Variants in OTOF observed in about 807,000 individuals in gnomAD.
The protein encoded by OTOF is otoferlin.
A neutral mutation model predicts 236.8 loss-of-function variants in OTOF; 218 were observed. The ratio of observed to expected loss-of-function variants is 0.92; its 90% CI spans 0.82 to 1.03. The LOEUF is 1.03. Among genes scored for constraint, OTOF ranks in the 50% least tolerant of loss-of-function variants. The probability of loss-of-function intolerance (pLI) is 0.00; values close to 1 mark genes in which losing one functional copy is unlikely to be tolerated. For missense variants in OTOF, 2,590 were observed against 2,694.4 expected, an observed-to-expected ratio of 0.96 and a Z score of 0.86; for synonymous variants, 1,041 against 1,072.5, an observed-to-expected ratio of 0.97 and a Z score of 0.57.
chr2:26,537,784 A>G lies in OTOF; in HGVS notation c.80-10T>C. On this transcript the variant is annotated splice_polypyrimidine_tract_variant and intron_variant, in intron 1 of 46. Transcript: ENST00000272371. ...GAGTAGAAGGATTGCCCTGTGGGGAAAGAGGAAATAAATTCTAGGGTCAGA... is the reference window on the plus strand; with the variant it reads ...GAGTAGAAGGATTGCCCTGTGGGGAGAGAGGAAATAAATTCTAGGGTCAGA... 6.5e-7 allele frequency: 1 copy of G among 1,549,066 alleles called. No homozygotes were observed. Among genetic ancestry groups the G allele is most frequent in the Non-Finnish European group, 8.7e-7 (1 of 1,144,242 alleles).
In OTOF at chr2:26,473,404, A is replaced by G. The variant is rs1464318474; in HGVS notation, c.3570+2T>C. On this transcript the variant is annotated splice_donor_variant, in intron 28 of 46. Coordinates refer to ENST00000272371, the MANE Select transcript of OTOF (RefSeq NM_194248.3). LOFTEE classifies it high-confidence loss of function. This position sits in a 1 kb window ranked among gnomAD's most constrained non-coding sequence, Gnocchi z 7.2. ...ATGTCCTCCGCCAGGGCCTGCACTC[A>G]CCACTTCAAACCACTTGACGAGGGT... 6.2e-7 allele frequency: 1 copy of G among 1,613,352 alleles called. No homozygotes were observed. Among genetic ancestry groups the G allele is most frequent in the Non-Finnish European group, 8.5e-7 (1 of 1,179,978 alleles).
At chr2:26,488,965 G>A (rs1183749674) in intron 11 of OTOF, among the ~76,000 whole-genome samples, 1 of 152,244 alleles carries the variant, frequency 6.6e-6, no homozygotes, top group East Asian at 1.9e-4. Flanking sequence ...TCCAGGCTCT[G>A]TGCAGAGTTA....
At position 26,480,857 on chromosome 2, in the gene OTOF, C is replaced by G. The variant is rs144907002; in HGVS notation, c.1732G>C (p.Val578Leu). 372 of 1,612,784 alleles carry G rather than the reference C, an allele frequency of 2.3e-4. 2 individuals are homozygous for G. The highest frequency in any genetic ancestry group is 2.0e-3 in the Middle Eastern group (12 of 6,060). Residue 578 changes from valine to leucine, a missense_variant, in exon 15 of 47, where the codon GTA (valine) becomes CTA (leucine). This residue lies in a region of OTOF where 1,379 missense variants were observed against 1,341.6 expected (regional missense o/e 1.03). Transcript: ENST00000272371. ...RLLLGLAVEI[V>L]DTSNPELTSS... is the part of the protein sequence containing the mutation. Reference sequence around the variant, plus strand: ...GTGAGCTCAGGGTTGGAGGTGTCTACGATCTCCACAGCCAGGCCCAGCAGG... The same window carrying G: ...GTGAGCTCAGGGTTGGAGGTGTCTAGGATCTCCACAGCCAGGCCCAGCAGG...
rs750669994 is a variant in OTOF, at chr2:26,458,059, T to C, written c.*179A>G. The stretch of plus-strand genomic sequence containing the variant: ...CGGCCTTCATGCCCCAAGGAGCTTT[T>C]TGACCATGTAGCCAGGGAGGCTGTA... On this transcript the variant is annotated 3_prime_UTR_variant, in exon 47 of 47. Transcript: ENST00000272371. 6.2e-6 allele frequency: 10 copies of C among 1,613,700 alleles called. No homozygotes were observed. The East Asian group carries it at 2.2e-4, about 36-fold the overall frequency.
intron 4 of OTOF, 106 bp from the exon 5 acceptor site, chr2:26,516,705 C>T: frequency 8.3e-7 from 1 of 1,204,946 alleles, no homozygotes; most frequent in Non-Finnish European, 1.2e-6. Flanking sequence ...ACACCCTTGC[C>T]TCACTGGAGG....
intron 11 of OTOF, among the ~76,000 whole-genome samples, chr2:26,487,317 AC>A (rs973174306): frequency 1.3e-5 from 2 of 152,288 alleles, no homozygotes; most frequent in African/African-American, 4.8e-5. Flanking sequence ...CAACTCCAGG[AC>A]CCATGTGACT....
At chr2:26,509,544 G>C (rs1286086933) in intron 5 of OTOF, among the ~76,000 whole-genome samples, 1 of 152,214 alleles carries the variant, frequency 6.6e-6, no homozygotes, top group Non-Finnish European at 1.5e-5. Context: ...GAATGAGGCT[G>C]TGAGTTCCCC....
intron 1 of OTOF, among the ~76,000 whole-genome samples, chr2:26,549,416 G>A (rs886389360): frequency 6.6e-6 from 1 of 152,152 alleles, no homozygotes; most frequent in Non-Finnish European, 1.5e-5. Context: ...GAAAGCAGCT[G>A]TTCCTCATGT....
At chr2:26,484,722 A>T in intron 11 of OTOF, 89 bp from the exon 12 acceptor site, 1 of 1,386,452 alleles carries the variant, frequency 7.2e-7, no homozygotes, top group South Asian at 1.2e-5. Context: ...TGGCAGAACC[A>T]AATGCTGTCT....
At chr2:26,506,828 C>T (rs573022802) in intron 5 of OTOF, among the ~76,000 whole-genome samples, 75 of 152,182 alleles carry the variant, frequency 4.9e-4, no homozygotes, top group African/African-American at 1.7e-3. Context: ...GGTGAAACCC[C>T]GTCTCTACTA....
At position 26,475,372 on chromosome 2, in the gene OTOF, T is replaced by C. The variant is rs758336292; in HGVS notation, c.3113A>G (p.Asp1038Gly). Residue 1038 changes from aspartate to glycine, a missense_variant, in exon 25 of 47, where the codon GAC (aspartate) becomes GGC (glycine). Asp to Gly is a moderately conservative substitution (Grantham distance 94, BLOSUM62 -1). Coordinates refer to ENST00000272371, the MANE Select transcript of OTOF (RefSeq NM_194248.3). Reference protein sequence around the residue: ...DPPIIVIEIYDQDSMGKADFM... With the variant: ...DPPIIVIEIYGQDSMGKADFM... ...GCCCACCCATACCATGGAATCCTGGTCATAGATTTCAATGACAATGATGGG... is the reference window on the plus strand; with the variant it reads ...GCCCACCCATACCATGGAATCCTGGCCATAGATTTCAATGACAATGATGGG... The C allele has an allele frequency of 5.6e-6, 9 of 1,612,928 alleles. No individual in the cohort carries two copies. The highest frequency in any genetic ancestry group is 8.5e-7 in the Non-Finnish European group (1 of 1,179,940).
Position 26,462,107 on chromosome 2 carries a change from T to A in OTOF, c.5267A>T (p.Lys1756Met). 1 of 1,604,692 alleles carries A rather than the reference T, an allele frequency of 6.2e-7. No homozygotes were observed. Among genetic ancestry groups the A allele is most frequent in the Non-Finnish European group, 8.5e-7 (1 of 1,174,756 alleles). The change falls in exon 42 of 47, where the codon AAG becomes ATG. Residue 1756 changes from lysine to methionine, a missense_variant. By Grantham distance (95) the Lys-to-Met change is moderately conservative. Transcript: ENST00000272371. The surrounding 1 kb of genome is among the most constrained non-coding windows in gnomAD (Gnocchi z 4.7). ...CCCCCTCACGAAGATGTCACTGGACTTCTCCCCTGTGAAGAAGTCGTCGTC... is the reference window on the plus strand; with the variant it reads ...CCCCCTCACGAAGATGTCACTGGACATCTCCCCTGTGAAGAAGTCGTCGTC... ...LEDDDFFTGE[K>M]SSDIFVRGWL... is the part of the protein sequence containing the mutation.
At chr2:26,557,901 A>C (rs1667633637) in intron 1 of OTOF, among the ~76,000 whole-genome samples, 1 of 151,930 alleles carries the variant, frequency 6.6e-6, no homozygotes, top group Non-Finnish European at 1.5e-5. Flanking sequence ...CTTGGGACAC[A>C]GTAGATCATA....
intron 6 of OTOF, among the ~76,000 whole-genome samples, chr2:26,503,195 C>T (rs1666162670): frequency 6.6e-6 from 1 of 152,246 alleles, no homozygotes; most frequent in African/African-American, 2.4e-5. Context: ...CCCAGCTCCC[C>T]TGTCCTCTCC....
chr2:26,540,225 C>A (rs1161316267), intron 1 of OTOF, among the ~76,000 whole-genome samples: 1 of 152,218 alleles, frequency 6.6e-6, no homozygotes, highest in Non-Finnish European at 1.5e-5. Context: ...AGTCACCGCG[C>A]CCAGCCGAAA....
At chr2:26,552,049 C>T (rs550569451) in intron 1 of OTOF, among the ~76,000 whole-genome samples, 3 of 150,116 alleles carry the variant, frequency 2.0e-5, no homozygotes, top group African/African-American at 7.4e-5. Flanking sequence ...CTGTTCTCCC[C>T]ACTCTTGTAT....
chr2:26,498,187 C>G (rs1666035459), intron 8 of OTOF, among the ~76,000 whole-genome samples: 1 of 152,216 alleles, frequency 6.6e-6, no homozygotes, highest in African/African-American at 2.4e-5. Context: ...CTCCCTTCCT[C>G]CATGTAGCAG....
intron 1 of OTOF, among the ~76,000 whole-genome samples, chr2:26,548,379 G>A (rs540930332): frequency 1.2e-4 from 18 of 152,036 alleles, no homozygotes; most frequent in Non-Finnish European, 2.1e-4. Flanking sequence ...CAGTTCAGTC[G>A]TTTTTAGTAT....
chr2:26,531,393 G>T (rs1572483140), intron 2 of OTOF, among the ~76,000 whole-genome samples: 1 of 152,174 alleles, frequency 6.6e-6, no homozygotes, highest in South Asian at 2.1e-4. Context: ...TGAAAAGAGG[G>T]GGGTGACAAT....
Sources: allele counts gnomAD v4.1 joint callset (sites outside exome capture counted in the v4.1 genomes callset), GRCh38; gene constraint gnomAD v4.1.1; regional missense constraint gnomAD v4.1.1; non-coding constraint Gnocchi (gnomAD v3.1); transcripts MANE v1.5; gene names NCBI Gene and HGNC (gene_info 2026-07-23, HGNC 2026-07-21).